CTNNB1: variants seen among roughly 807,000 people sequenced by gnomAD.
CTNNB1 encodes the protein catenin beta-1.
CTNNB1 carries 6 observed loss-of-function variants against 82.5 expected under a neutral mutation model. The ratio of observed to expected loss-of-function variants is 0.07; its 90% CI spans 0.04 to 0.14. The LOEUF (loss-of-function observed/expected upper bound fraction) is 0.14, where lower values mean the gene tolerates loss of function less well. Ranked by LOEUF, CTNNB1 falls within the 10% of genes least tolerant of loss-of-function variation. The probability of loss-of-function intolerance (pLI) is 1.00; values close to 1 mark genes in which losing one functional copy is unlikely to be tolerated. For missense variants in CTNNB1, 529 were observed against 980.4 expected (o/e 0.54, Z 6.15); for synonymous variants, 312 against 329.7 (o/e 0.95, Z 0.58).
At chr3:41,210,017 T>C (rs565775741) in intron 1 of CTNNB1, among the ~76,000 whole-genome samples, 1 of 152,350 alleles carries the variant, frequency 6.6e-6, no homozygotes, top group East Asian at 1.9e-4. Flanking sequence ...TATGAATTCT[T>C]AATTTTTTAA....
intron 1 of CTNNB1, among the ~76,000 whole-genome samples, chr3:41,205,688 TG>T (rs1362594265): frequency 6.6e-6 from 1 of 152,142 alleles, no homozygotes; most frequent in Non-Finnish European, 1.5e-5. Context: ...GAAAGAAAAG[TG>T]GGGTGTTTAG....
In CTNNB1 at chr3:41,214,554, C is replaced by CGGGG. The variant is rs141309928; in HGVS notation, c.-48-9463_-48-9460dup. Among the ~76,000 whole-genome samples, 4 of 151,998 alleles carry CGGGG rather than the reference C, an allele frequency of 2.6e-5. No individual in the cohort carries two copies. In the East Asian group the frequency reaches 5.8e-4, roughly 22 times the overall value. ...CAGCTTCTTGTTTTGAAGATACTTA[C>CGGGG]GGGGGGGAACACTTTGTGATTTCTC... On this transcript the variant is annotated intron_variant, in intron 1 of 14. Transcript: ENST00000349496.
At position 41,239,635 on chromosome 3, in the gene CTNNB1, TAGC is replaced by T. The variant is rs4135243; in HGVS notation, c.*297_*299del. The stretch of plus-strand genomic sequence containing the variant: ...TAACATTTGCTGTTTTAAACATTAA[TAGC>T]AGCCTTTCTCTCTTTATACAGCTGT... On this transcript the variant is annotated 3_prime_UTR_variant, in exon 15 of 15. Transcript: ENST00000349496. 344 of 480,512 alleles carry T rather than the reference TAGC, an allele frequency of 7.2e-4. No homozygotes were observed. Among genetic ancestry groups the T allele is most frequent in the African/African-American group, 6.2e-3 (320 of 52,012 alleles). The allele number at this position is 480,512 out of a possible 1,614,324, so 29.8% of individuals were successfully genotyped here. A position where few individuals can be genotyped will look rare whatever the true frequency, so the allele number is the denominator to read the frequency against.
chr3:41,234,526 C>T, intron 10 of CTNNB1: 1 of 561,598 alleles, frequency 1.8e-6, no homozygotes, highest in South Asian at 2.0e-5. Context: ...GTCAGTCTTA[C>T]AAAGGTTGGG....
intron 1 of CTNNB1, among the ~76,000 whole-genome samples, chr3:41,220,382 ACCCACACC>A (rs2078017731): frequency 1.4e-5 from 2 of 146,556 alleles, no homozygotes; most frequent in African/African-American, 5.0e-5. Flanking sequence ...GAACACACAC[ACCCACACC>A]CACACCCACA....
intron 1 of CTNNB1, among the ~76,000 whole-genome samples, chr3:41,204,504 T>C (rs1258179719): frequency 2.0e-5 from 3 of 152,132 alleles, no homozygotes; most frequent in Non-Finnish European, 2.9e-5. Flanking sequence ...TACTCAAATG[T>C]CTCCAGGGCC....
At chr3:41,230,860 T>A (rs2078290299) in intron 7 of CTNNB1, among the ~76,000 whole-genome samples, 1 of 152,180 alleles carries the variant, frequency 6.6e-6, no homozygotes, top group Non-Finnish European at 1.5e-5. Context: ...GAAGAATAAT[T>A]GTCTTGGGCT....
At position 41,225,626 on chromosome 3, in the gene CTNNB1, A is replaced by G; in HGVS notation, c.735-34A>G. 6.2e-6 allele frequency: 10 copies of G among 1,613,928 alleles called. No individual in the cohort carries two copies. The highest frequency in any genetic ancestry group is 8.5e-6 in the Non-Finnish European group (10 of 1,179,766). ...CTAAAAAGTAGAAGAGTATACTCAC[A>G]ATATTTCTGATGAGGCTTTTTTCTT... On this transcript the variant is annotated intron_variant, in intron 5 of 14. Transcript: ENST00000349496. This position sits in a 1 kb window ranked among gnomAD's most constrained non-coding sequence, Gnocchi z 5.3.
At chr3:41,237,978 G>T (rs1306166825) in intron 13 of CTNNB1, 38 bp from the exon 14 acceptor site, 2 of 1,584,506 alleles carry the variant, frequency 1.3e-6, no homozygotes, top group South Asian at 1.1e-5. Context: ...TTTTCATTTT[G>T]CTTTCTATTC....
intron 1 of CTNNB1, among the ~76,000 whole-genome samples, chr3:41,222,956 G>C (rs1350657999): frequency 2.0e-5 from 3 of 152,142 alleles, no homozygotes; most frequent in Non-Finnish European, 4.4e-5. Context: ...CTAAGGCCAG[G>C]TGTTGGCTCA....
At chr3:41,212,438 A>G (rs1400553521) in intron 1 of CTNNB1, among the ~76,000 whole-genome samples, 1 of 152,084 alleles carries the variant, frequency 6.6e-6, no homozygotes, top group South Asian at 2.1e-4. Context: ...CTATTCCATT[A>G]TATTACTATT....
At chr3:41,215,300 T>A (rs2077889353) in intron 1 of CTNNB1, among the ~76,000 whole-genome samples, 1 of 143,936 alleles carries the variant, frequency 6.9e-6, no homozygotes, top group Non-Finnish European at 1.5e-5. Flanking sequence ...AGAGAATTGC[T>A]TAAACCCAGG....
intron 1 of CTNNB1, among the ~76,000 whole-genome samples, chr3:41,211,634 T>C (rs1013039852): frequency 6.6e-6 from 1 of 152,248 alleles, no homozygotes; most frequent in African/African-American, 2.4e-5. Flanking sequence ...TTTGATTTTG[T>C]TTCTGTGTTA....
intron 7 of CTNNB1, among the ~76,000 whole-genome samples, chr3:41,232,920 T>C (rs2078344118): frequency 6.6e-6 from 1 of 152,214 alleles, no homozygotes; most frequent in Non-Finnish European, 1.5e-5. Context: ...TATATTTTTC[T>C]GCCTCTTCCA....
At chr3:41,231,184 G>T (rs929777057) in intron 7 of CTNNB1, among the ~76,000 whole-genome samples, 1 of 152,120 alleles carries the variant, frequency 6.6e-6, no homozygotes. Flanking sequence ...AAAGTTAGCC[G>T]GGCGTGGTGG....
rs1177261399 is a variant in CTNNB1, at chr3:41,235,802, A to C, written c.1762A>C (p.Ile588Leu). 3.7e-6 allele frequency: 6 copies of C among 1,614,096 alleles called. No individual in the cohort carries two copies. In the South Asian group the frequency reaches 6.6e-5, roughly 18 times the overall value. The change falls in exon 11 of 15, where the codon ATT (isoleucine) becomes CTT (leucine). Residue 588 changes from isoleucine to leucine, a missense_variant. Ile to Leu is a conservative substitution (Grantham distance 5). Around this residue, in one of 4 missense-constraint regions of CTNNB1, gnomAD observed 411 missense variants for 776.4 expected, o/e 0.53. Coordinates refer to ENST00000349496, the MANE Select transcript of CTNNB1 (RefSeq NM_001904.4). ...HILARDVHNR[I>L]VIRGLNTIPL... is the part of the protein sequence containing the mutation. ...CCTAGCTCGGGATGTTCACAACCGA[A>C]TTGTTATCAGAGGACTAAATACCAT...
rs2125619408 is a variant in CTNNB1 at position 41,224,934 on chromosome 3, G to A, written c.242-20G>A. ...AAATGCTGAACTGTGGATAGTGAGT[G>A]TTGAATTAACCTTTTCCAGATATTG... is the stretch of plus-strand genomic sequence containing the variant. On this transcript the variant is annotated intron_variant, in intron 3 of 14. Coordinates refer to ENST00000349496, the MANE Select transcript of CTNNB1 (RefSeq NM_001904.4). The A allele has an allele frequency of 6.2e-7, 1 of 1,614,078 alleles. No homozygotes were observed. Among genetic ancestry groups the A allele is most frequent in the Non-Finnish European group, 8.5e-7 (1 of 1,179,958 alleles).
At position 41,234,206 on chromosome 3, in the gene CTNNB1, G is replaced by A; in HGVS notation, c.1592G>A (p.Gly531Asp). ...PANHAPLREQ[G>D]AIPRLVQLLV... The stretch of plus-strand genomic sequence containing the variant: ...AATCATGCACCTTTGCGTGAGCAGG[G>A]TGCCATTCCACGACTAGTTCAGTTG... Residue 531 changes from glycine to aspartate, a missense_variant, in exon 10 of 15, where the codon GGT becomes GAT. Coordinates refer to ENST00000349496, the MANE Select transcript of CTNNB1 (RefSeq NM_001904.4). The A allele has an allele frequency of 6.2e-7, 1 of 1,614,194 alleles. No homozygotes were observed. The highest frequency in any genetic ancestry group is 8.5e-7 in the Non-Finnish European group (1 of 1,180,042).
chr3:41,229,042 C>G (rs1423886561), intron 7 of CTNNB1, among the ~76,000 whole-genome samples: 3 of 151,996 alleles, frequency 2.0e-5, no homozygotes, highest in Non-Finnish European at 4.4e-5. Context: ...TCTGGGCTTT[C>G]TTTTCTGTTC....
Sources: gnomAD v4.1 joint callset for allele counts (sites outside exome capture counted in the v4.1 genomes callset) on GRCh38, gnomAD v4.1.1 for gene constraint, gnomAD v4.1.1 regional missense constraint, Gnocchi (gnomAD v3.1) non-coding constraint, MANE v1.5 for transcripts, NCBI Gene and HGNC (gene_info 2026-07-23, HGNC 2026-07-21) for gene names.